The following SCN8A variants were observed in gnomAD, a reference collection of about 807,000 sequenced individuals.
SCN8A encodes the protein sodium voltage-gated channel alpha subunit 8.
In SCN8A, 30 loss-of-function variants were observed where a neutral mutation model predicts 184.1. The ratio of observed to expected loss-of-function variants is 0.16; its 90% CI spans 0.12 to 0.22. The LOEUF (loss-of-function observed/expected upper bound fraction) is 0.22. Among genes scored for constraint, SCN8A ranks in the 10% least tolerant of loss-of-function variants. The probability of loss-of-function intolerance (pLI) is 1.00; values close to 1 mark genes in which losing one functional copy is unlikely to be tolerated. For synonymous variants in SCN8A, 852 were observed against 907.0 expected (o/e 0.94, Z 1.09); for missense variants, 1,057 against 2,498.9 (o/e 0.42, Z 12.30).
Position 51,790,496 on chromosome 12 carries a change from C to G in SCN8A, c.4518C>G (p.Arg1506=), listed in dbSNP as rs765882259. The change falls in exon 25 of 27, where the codon CGC becomes CGG. Residue 1506 remains arginine (R), a synonymous_variant. Transcript: ENST00000627620. Reference sequence around the variant, plus strand: ...AGAAGCCACAGAAACCTATTCCCCGCCCCTTGGTAAGTGCATTGTGCAGGC... The same window carrying G: ...AGAAGCCACAGAAACCTATTCCCCGGCCCTTGGTAAGTGCATTGTGCAGGC... ...GSKKPQKPIP[R]PLNKIQGIVF... is the part of the protein sequence containing the mutation. The G allele has an allele frequency of 6.2e-7, 1 of 1,604,110 alleles. No homozygotes were observed. Among genetic ancestry groups the G allele is most frequent in the Non-Finnish European group, 8.5e-7 (1 of 1,173,606 alleles).
At chr12:51,714,053 G>A (rs1392921989) in intron 11 of SCN8A, among the ~76,000 whole-genome samples, 1 of 151,756 alleles carries the variant, frequency 6.6e-6, no homozygotes, top group East Asian at 1.9e-4. Flanking sequence ...TATCATACTG[G>A]CTTATGCATG....
intron 12 of SCN8A, among the ~76,000 whole-genome samples, chr12:51,729,102 A>G (rs982508379): frequency 6.6e-6 from 1 of 152,200 alleles, no homozygotes; most frequent in Non-Finnish European, 1.5e-5. Flanking sequence ...TCCACAATAC[A>G]GATAATATTT....
intron 12 of SCN8A, among the ~76,000 whole-genome samples, chr12:51,736,571 AGT>A (rs1179187303): frequency 6.6e-6 from 1 of 152,214 alleles, no homozygotes; most frequent in African/African-American, 2.4e-5. Context: ...GAATTGTCAA[AGT>A]GTCCAGCATT....
At position 51,628,951 on chromosome 12, in the gene SCN8A, A is replaced by AGT. The variant is rs146372113; in HGVS notation, c.-54-33808_-54-33807dup. ...GCTCTTAAACCTAGATAAACATAGAAGTGTGTATAGACAAGTTTCTGAAAG... is the reference window on the plus strand; with the variant it reads ...GCTCTTAAACCTAGATAAACATAGAAGTGTGTGTATAGACAAGTTTCTGAAAG... On this transcript the variant is annotated intron_variant, in intron 1 of 26. Coordinates refer to ENST00000627620, the MANE Select transcript of SCN8A (RefSeq NM_001330260.2). Among the ~76,000 whole-genome samples, 883 of 152,256 alleles carry AGT rather than the reference A, an allele frequency of 5.8e-3. 14 individuals are homozygous for AGT. Among genetic ancestry groups the AGT allele is most frequent in the African/African-American group, 0.02 (849 of 41,536 alleles).
chr12:51,616,783 G>A (rs1469220811), intron 1 of SCN8A, among the ~76,000 whole-genome samples: 1 of 151,924 alleles, frequency 6.6e-6, no homozygotes, highest in Non-Finnish European at 1.5e-5. Context: ...GCCAGGCATG[G>A]TGGTGCATAC....
chr12:51,638,843 G>T (rs1940377957), intron 1 of SCN8A, among the ~76,000 whole-genome samples: 1 of 152,116 alleles, frequency 6.6e-6, no homozygotes, highest in African/African-American at 2.4e-5. Flanking sequence ...GTTCATGGGG[G>T]AGGGGACTGC....
At chr12:51,603,410 A>G (rs776208724) in intron 1 of SCN8A, among the ~76,000 whole-genome samples, 1 of 152,206 alleles carries the variant, frequency 6.6e-6, no homozygotes, top group Non-Finnish European at 1.5e-5. Context: ...TACATTGTAT[A>G]TAACAGTTTG....
Position 51,769,405 on chromosome 12 carries a change from T to C in SCN8A, c.3372+70T>C, listed in dbSNP as rs1048953581. 8 of 1,130,090 alleles carry C rather than the reference T, an allele frequency of 7.1e-6. No individual in the cohort carries two copies. In the African/African-American group the frequency reaches 1.2e-4, roughly 18 times the overall value. 70.0% of individuals were successfully genotyped at this position (1,130,090 alleles called of 1,614,324 possible). On this transcript the variant is annotated intron_variant, in intron 17 of 26. Coordinates refer to ENST00000627620, the MANE Select transcript of SCN8A (RefSeq NM_001330260.2). The stretch of plus-strand genomic sequence containing the variant: ...AACAGGGTGCTGTCAGCCTTGGGGA[T>C]TGGTTCAGCTATGGGCTTGGTAGAG...
chr12:51,648,282 G>A lies in SCN8A; in HGVS notation c.-54-14482G>A, dbSNP rs372571450. On this transcript the variant is annotated intron_variant, in intron 1 of 26. Coordinates refer to ENST00000627620, the MANE Select transcript of SCN8A (RefSeq NM_001330260.2). ...CACAGGTGTGACCATGGCACACTGA[G>A]GTCTCAAACTCCTGGCCTCAAGAAA... Among the ~76,000 whole-genome samples, 15 of 152,302 alleles carry A rather than the reference G, an allele frequency of 9.8e-5. No individual in the cohort carries two copies. In the South Asian group the frequency reaches 1.7e-3, roughly 17 times the overall value.
In SCN8A at chr12:51,808,069, G is replaced by C. The variant is rs1204459266; in HGVS notation, c.*640G>C. ...AAACATTGTGCTCGTTCAATGCGTA[G>C]AAATGATTTGCATGATGGCATGCCG... On this transcript the variant is annotated 3_prime_UTR_variant, in exon 27 of 27. Transcript: ENST00000627620. The C allele has an allele frequency of 1.2e-5, 2 of 166,114 alleles. No individual in the cohort carries two copies. Among genetic ancestry groups the C allele is most frequent in the East Asian group, 3.4e-4 (2 of 5,942 alleles). The allele number at this position is 166,114 out of a possible 1,614,324, so 10.3% of individuals were successfully genotyped here.
At chr12:51,781,649 C>T (rs939273366) in intron 21 of SCN8A, among the ~76,000 whole-genome samples, 8 of 151,218 alleles carry the variant, frequency 5.3e-5, no homozygotes, top group Middle Eastern at 3.4e-3. Flanking sequence ...CGTGCGTGCA[C>T]GCGCACGCAC....
At chr12:51,663,278 C>T (rs1031511694) in intron 2 of SCN8A, among the ~76,000 whole-genome samples, 185 bp downstream of exon 2, 1 of 152,148 alleles carries the variant, frequency 6.6e-6, no homozygotes, top group African/African-American at 2.4e-5. Context: ...GGTCTTGGCA[C>T]TCATCAACTC....
rs777014732 is a variant in SCN8A, at chr12:51,780,684, C to T, written c.3855C>T (p.Gly1285=). Residue 1285 remains glycine, a synonymous_variant, in exon 21 of 27, where the codon GGC becomes GGT. Coordinates refer to ENST00000627620, the MANE Select transcript of SCN8A (RefSeq NM_001330260.2). The part of the protein sequence containing the change: ...SLVSLIANAL[G]YSELGAIKSL... ...TCAGCCTTATAGCTAATGCCCTGGG[C>T]TACTCGGAACTAGGTGCCATAAAGT... 1.3e-6 allele frequency: 2 copies of T among 1,567,322 alleles called. No homozygotes were observed. The highest frequency in any genetic ancestry group is 1.7e-6 in the Non-Finnish European group (2 of 1,156,584).
intron 12 of SCN8A, among the ~76,000 whole-genome samples, chr12:51,736,275 G>A (rs184280436): frequency 1.3e-5 from 2 of 152,306 alleles, no homozygotes; most frequent in Non-Finnish European, 2.9e-5. Context: ...ACTGCAAAAG[G>A]TGACATTTAA....
At chr12:51,613,125 T>C (rs1189545752) in intron 1 of SCN8A, among the ~76,000 whole-genome samples, 2 of 152,200 alleles carry the variant, frequency 1.3e-5, no homozygotes, top group African/African-American at 4.8e-5. Context: ...TTAGTTTTGG[T>C]ATCAGGATAA....
rs558187419 is a variant in SCN8A at position 51,796,573 on chromosome 12, C to A, written c.4795+1932C>A. ...AATGTATTAGAGTTTTGTAGAGGGA[C>A]AAAACTAATAGGATAGATGTATATA... On this transcript the variant is annotated intron_variant, in intron 26 of 26. Transcript: ENST00000627620. Among the ~76,000 whole-genome samples the A allele has an allele frequency of 2.4e-4, 36 of 152,214 alleles. No homozygotes were observed. In the South Asian group the frequency reaches 7.5e-3, roughly 32 times the overall value.
intron 1 of SCN8A, among the ~76,000 whole-genome samples, chr12:51,642,459 A>G (rs555943800): frequency 1.3e-5 from 2 of 152,306 alleles, no homozygotes; most frequent in African/African-American, 4.8e-5. Context: ...AGCCTCAGCA[A>G]CTGTTTGCAA....
chr12:51,749,564 A>G (rs1942565063), intron 13 of SCN8A, among the ~76,000 whole-genome samples: 1 of 152,258 alleles, frequency 6.6e-6, no homozygotes, highest in East Asian at 1.9e-4. Context: ...TTAGGAAGGG[A>G]GGGAGTTCTC....
At position 51,751,648 on chromosome 12, in the gene SCN8A, G is replaced by A. The variant is rs546621852; in HGVS notation, c.2370+55G>A. 22 of 1,349,232 alleles carry A rather than the reference G, an allele frequency of 1.6e-5. No individual in the cohort carries two copies. In the Admixed American group the frequency reaches 2.5e-4, roughly 15 times the overall value. The allele number at this position is 1,349,232 out of a possible 1,614,324, so 83.6% of individuals were successfully genotyped here. A position where few individuals can be genotyped will look rare whatever the true frequency, so the allele number is the denominator to read the frequency against. ...GGATTGGAATGTGTTTTGCCTGTAG[G>A]ATATCTTTTTCTGGTACTGAAAGCT... On this transcript the variant is annotated intron_variant, in intron 14 of 26. Coordinates refer to ENST00000627620, the MANE Select transcript of SCN8A (RefSeq NM_001330260.2).
Sources: allele counts gnomAD v4.1 joint callset (sites outside exome capture counted in the v4.1 genomes callset), GRCh38; gene constraint gnomAD v4.1.1; transcripts MANE v1.5; gene names NCBI Gene and HGNC (gene_info 2026-07-23, HGNC 2026-07-21).